The following TRDN variants were observed in gnomAD, a reference collection of about 807,000 sequenced individuals.
TRDN encodes the protein triadin.
A neutral mutation model predicts 149.7 loss-of-function variants in TRDN; 161 were observed. The observed-to-expected ratio is 1.08, with a 90% CI of 0.95 to 1.23. The LOEUF (loss-of-function observed/expected upper bound fraction) is 1.23. Among genes scored for constraint, TRDN ranks in the 50% most tolerant of loss-of-function variants. TRDN has a pLI of 0.00. For synonymous variants in TRDN, 294 were observed against 250.5 expected, an observed-to-expected ratio of 1.17 and a Z score of -1.64; for missense variants, 896 against 823.5, an observed-to-expected ratio of 1.09 and a Z score of -1.08.
intron 12 of TRDN, among the ~76,000 whole-genome samples, chr6:123,395,894 T>C (rs1772705592): frequency 6.6e-6 from 1 of 152,164 alleles, no homozygotes. Flanking sequence ...CCGTCTAAAA[T>C]ATTAGTTCAC....
At chr6:123,350,362 C>T (rs1224513693) in intron 21 of TRDN, 1 of 933,916 alleles carries the variant, frequency 1.1e-6, no homozygotes, top group Non-Finnish European at 1.3e-6. Flanking sequence ...TGTACTTAAA[C>T]TCTATTAAGA....
At chr6:123,495,654 C>G (rs1168346939) in intron 9 of TRDN, among the ~76,000 whole-genome samples, 7 of 152,130 alleles carry the variant, frequency 4.6e-5, no homozygotes, top group African/African-American at 1.7e-4. Context: ...GTATAAGCCA[C>G]CACACCCAGC....
intron 4 of TRDN, among the ~76,000 whole-genome samples, chr6:123,535,162 A>G (rs910002226): frequency 6.6e-6 from 1 of 152,152 alleles, no homozygotes; most frequent in African/African-American, 2.4e-5. Context: ...GGAAGAAGGG[A>G]AAAAGACACG....
chr6:123,222,750 G>A (rs141731348), intron 39 of TRDN, among the ~76,000 whole-genome samples: 2 of 151,566 alleles, frequency 1.3e-5, no homozygotes, highest in East Asian at 2.0e-4. Context: ...TGTGTACCTG[G>A]CAAAGGTCTA....
chr6:123,484,902 T>C (rs376272693), intron 9 of TRDN, among the ~76,000 whole-genome samples: 2 of 152,188 alleles, frequency 1.3e-5, no homozygotes, highest in African/African-American at 2.4e-5. Flanking sequence ...TCCAAAAACC[T>C]GAAGCATTTT....
At chr6:123,479,817 C>G (rs562851197) in intron 9 of TRDN, among the ~76,000 whole-genome samples, 1 of 152,138 alleles carries the variant, frequency 6.6e-6, no homozygotes, top group South Asian at 2.1e-4. Flanking sequence ...TTTCAGAATT[C>G]TAGTTTATAT....
At chr6:123,472,848 C>G (rs576463673) in intron 9 of TRDN, among the ~76,000 whole-genome samples, 1 of 152,140 alleles carries the variant, frequency 6.6e-6, no homozygotes, top group African/African-American at 2.4e-5. Context: ...ACACCTCACA[C>G]GGCAGGGTAT....
intron 24 of TRDN, among the ~76,000 whole-genome samples, chr6:123,312,792 A>G (rs1311753245): frequency 6.6e-6 from 1 of 151,882 alleles, no homozygotes; most frequent in African/African-American, 2.4e-5. Context: ...CACTAATATC[A>G]TTTCCTTGTA....
chr6:123,483,078 ATTATTAT>A (rs1332704393), intron 9 of TRDN, among the ~76,000 whole-genome samples: 5 of 134,398 alleles, frequency 3.7e-5, no homozygotes, highest in Non-Finnish European at 6.3e-5. Context: ...TATTATTATT[ATTATTAT>A]TATTATTATT....
At chr6:123,494,662 A>C (rs561037257) in intron 9 of TRDN, among the ~76,000 whole-genome samples, 7 of 152,350 alleles carry the variant, frequency 4.6e-5, no homozygotes, top group African/African-American at 1.7e-4. Context: ...CTTTACAAAA[A>C]TTATGTGTAG....
chr6:123,585,727 G>A (rs12192436), intron 1 of TRDN, among the ~76,000 whole-genome samples: 54,027 of 151,720 alleles, frequency 0.36, 10,022 homozygotes, highest in Middle Eastern at 0.4. Flanking sequence ...TCCTTGGCCT[G>A]GTGGCCAGAT....
At chr6:123,420,210 A>G (rs909900644) in intron 12 of TRDN, among the ~76,000 whole-genome samples, 1 of 152,228 alleles carries the variant, frequency 6.6e-6, no homozygotes, top group Non-Finnish European at 1.5e-5. Context: ...ATTTTTGGAT[A>G]GAAATCATTT....
intron 10 of TRDN, chr6:123,464,162 C>T (rs1583079261): frequency 1.4e-6 from 1 of 704,678 alleles, no homozygotes; most frequent in Non-Finnish European, 1.7e-6. Flanking sequence ...ATCTCTGAAT[C>T]CCCAGTATTT....
intron 2 of TRDN, among the ~76,000 whole-genome samples, chr6:123,563,743 T>C (rs1306541752): frequency 6.6e-6 from 1 of 152,240 alleles, no homozygotes; most frequent in Non-Finnish European, 1.5e-5. Flanking sequence ...ACTAATTATT[T>C]AATACATATT....
chr6:123,337,745 T>G (rs1444979818), intron 21 of TRDN, 76 bp from the exon 22 acceptor site: 32 of 822,136 alleles, frequency 3.9e-5, no homozygotes, highest in African/African-American at 7.1e-5. Flanking sequence ...TCATGTGTTT[T>G]GTATACTGAG....
intron 12 of TRDN, among the ~76,000 whole-genome samples, chr6:123,408,426 C>T (rs979412903): frequency 1.3e-5 from 2 of 151,886 alleles, no homozygotes; most frequent in Non-Finnish European, 2.9e-5. Flanking sequence ...GCCTGTAATC[C>T]CAACACTTTG....
intron 38 of TRDN, among the ~76,000 whole-genome samples, chr6:123,237,482 T>C (rs1043119390): frequency 6.6e-6 from 1 of 152,146 alleles, no homozygotes; most frequent in African/African-American, 2.4e-5. Context: ...ACTCCTGACC[T>C]CATGAACTGC....
intron 40 of TRDN, 64 bp from the exon 41 acceptor site, chr6:123,218,804 G>A (rs1483144464): frequency 1.1e-5 from 17 of 1,482,764 alleles, no homozygotes; most frequent in African/African-American, 1.4e-5. Flanking sequence ...GCACAGTGAG[G>A]CAGTGCAGTG....
At chr6:123,620,467 T>C (rs900951178) in intron 1 of TRDN, among the ~76,000 whole-genome samples, 3 of 152,166 alleles carry the variant, frequency 2.0e-5, no homozygotes, top group Non-Finnish European at 4.4e-5. Flanking sequence ...CATGCATTCA[T>C]ACATTTTGAC....
Sources: gnomAD v4.1 joint callset for allele counts (sites outside exome capture counted in the v4.1 genomes callset) on GRCh38, gnomAD v4.1.1 for gene constraint, MANE v1.5 for transcripts, NCBI Gene and HGNC (gene_info 2026-07-23, HGNC 2026-07-21) for gene names.